The following ZRANB3 variants were observed in gnomAD, a reference collection of about 807,000 sequenced individuals.
ZRANB3 encodes the protein zinc finger RANBP2-type containing 3, also known as DNA annealing helicase and endonuclease ZRANB3.
In ZRANB3, 125 loss-of-function variants were observed where a neutral mutation model predicts 133.8. That is an observed-to-expected ratio of 0.93 (90% CI 0.81 to 1.08). ZRANB3 has a LOEUF of 1.08. Ranked by LOEUF, ZRANB3 falls within the 50% of genes least tolerant of loss-of-function variation. The pLI is 0.00. For missense variants in ZRANB3, 1,229 were observed against 1,275.5 expected (o/e 0.96, Z 0.56); for synonymous variants, 387 against 432.7 (o/e 0.89, Z 1.31).
chr2:135,400,182 G>A (rs58977924), intron 2 of ZRANB3, among the ~76,000 whole-genome samples: 15,826 of 151,954 alleles, frequency 0.1, 1,091 homozygotes, highest in South Asian at 0.32. Flanking sequence ...AGAAGTTGCC[G>A]TGAGCCAAGA....
At chr2:135,233,416 A>G (rs1354340820) in intron 12 of ZRANB3, among the ~76,000 whole-genome samples, 1 of 152,228 alleles carries the variant, frequency 6.6e-6, no homozygotes, top group Non-Finnish European at 1.5e-5. Context: ...AGGCAGGCCA[A>G]CATTCAAATT....
intron 1 of ZRANB3, among the ~76,000 whole-genome samples, chr2:135,512,810 CA>C (rs1449085726): frequency 2.6e-5 from 4 of 151,608 alleles, no homozygotes; most frequent in Middle Eastern, 3.2e-3. Flanking sequence ...ATATACAAGG[CA>C]AAAACTGATA....
Position 135,441,106 on chromosome 2 carries a change from T to C in ZRANB3, c.162-50286A>G, listed in dbSNP as rs115860699. 3.0e-3 allele frequency among the ~76,000 whole-genome samples: 453 copies of C among 151,784 alleles called. 2 individuals are homozygous for C. Among genetic ancestry groups the C allele is most frequent in the African/African-American group, 0.01 (429 of 41,342 alleles). ...ACTTCCCAAATCTGAAGAAAAACAT[T>C]TACTCTCAGACCCAAGAAGCTCAAT... is the stretch of plus-strand genomic sequence containing the variant. On this transcript the variant is annotated intron_variant, in intron 2 of 20. Coordinates refer to ENST00000264159, the MANE Select transcript of ZRANB3 (RefSeq NM_032143.4).
At chr2:135,328,553 C>T (rs1275539276) in intron 6 of ZRANB3, among the ~76,000 whole-genome samples, 1 of 148,668 alleles carries the variant, frequency 6.7e-6, no homozygotes, top group African/African-American at 2.5e-5. Context: ...AGCAGCATGA[C>T]TTATAATCCT....
chr2:135,500,756 TAAAA>T (rs760594100), intron 2 of ZRANB3, among the ~76,000 whole-genome samples: 1 of 73,674 alleles, frequency 1.4e-5, no homozygotes, highest in Admixed American at 1.6e-4. Context: ...TACATATCAG[TAAAA>T]AAAAAAAAAA....
intron 2 of ZRANB3, among the ~76,000 whole-genome samples, chr2:135,434,998 T>C (rs985666205): frequency 2.6e-5 from 4 of 152,154 alleles, no homozygotes; most frequent in Admixed American, 1.3e-4. Context: ...TTTTTTAAAT[T>C]TGTACTTTAG....
intron 3 of ZRANB3, among the ~76,000 whole-genome samples, chr2:135,372,262 T>C (rs1686215861): frequency 6.6e-6 from 1 of 152,024 alleles, no homozygotes; most frequent in African/African-American, 2.4e-5. Context: ...TGGATGTCTA[T>C]AAACCATCAG....
chr2:135,514,109 G>A (rs1693596051), intron 1 of ZRANB3, among the ~76,000 whole-genome samples: 2 of 152,154 alleles, frequency 1.3e-5, no homozygotes, highest in Non-Finnish European at 2.9e-5. Flanking sequence ...GCCTAGGATT[G>A]TTTTGGCTAT....
intron 1 of ZRANB3, chr2:135,511,096 A>G (rs1025663824): frequency 5.2e-6 from 4 of 768,110 alleles, no homozygotes; most frequent in African/African-American, 3.4e-5. Flanking sequence ...GACTCTGTAC[A>G]GGGCTGTGAA....
chr2:135,381,157 C>T (rs1205360128), intron 3 of ZRANB3, among the ~76,000 whole-genome samples: 3 of 152,188 alleles, frequency 2.0e-5, no homozygotes, highest in Non-Finnish European at 4.4e-5. Context: ...CACCCTAATA[C>T]TGTGCTTTTC....
intron 3 of ZRANB3, among the ~76,000 whole-genome samples, chr2:135,388,906 GTCTTTACTAAAA>G (rs1251789910): frequency 6.6e-6 from 1 of 152,026 alleles, no homozygotes; most frequent in Non-Finnish European, 1.5e-5. Flanking sequence ...GTGAAACCCT[GTCTTTACTAAAA>G]ATACAAAAAA....
At chr2:135,322,039 A>G (rs1191012230) in intron 6 of ZRANB3, among the ~76,000 whole-genome samples, 1 of 152,188 alleles carries the variant, frequency 6.6e-6, no homozygotes, top group African/African-American at 2.4e-5. Context: ...TCCATTTATC[A>G]TTAAATTTTG....
At chr2:135,337,815 T>C (rs1684435188) in intron 6 of ZRANB3, among the ~76,000 whole-genome samples, 1 of 152,202 alleles carries the variant, frequency 6.6e-6, no homozygotes. Flanking sequence ...TTTTCTTTTA[T>C]ACAGAAGTAG....
chr2:135,522,030 T>A (rs993427280), intron 1 of ZRANB3, among the ~76,000 whole-genome samples: 4 of 152,168 alleles, frequency 2.6e-5, no homozygotes, highest in Admixed American at 2.6e-4. Context: ...CTCTGCAGCA[T>A]GCCACAGGTT....
intron 1 of ZRANB3, among the ~76,000 whole-genome samples, chr2:135,507,026 A>T (rs1192932878): frequency 2.0e-5 from 3 of 152,248 alleles, no homozygotes; most frequent in African/African-American, 7.2e-5. Context: ...GCATGAAAGC[A>T]GGAAAACTGT....
intron 2 of ZRANB3, among the ~76,000 whole-genome samples, chr2:135,438,374 G>C (rs935145476): frequency 6.6e-6 from 1 of 151,890 alleles, no homozygotes; most frequent in Admixed American, 6.6e-5. Context: ...GCATGGTGGC[G>C]TGCACCTGTA....
At chr2:135,367,264 G>C (rs1685980537) in intron 3 of ZRANB3, among the ~76,000 whole-genome samples, 1 of 152,154 alleles carries the variant, frequency 6.6e-6, no homozygotes, top group Non-Finnish European at 1.5e-5. Context: ...TTAAAACTCA[G>C]ATCTGTGTAA....
intron 8 of ZRANB3, among the ~76,000 whole-genome samples, chr2:135,280,273 T>C (rs1264232470): frequency 6.6e-6 from 1 of 152,176 alleles, no homozygotes; most frequent in African/African-American, 2.4e-5. Flanking sequence ...TATATCTTAT[T>C]TAAAAAAATG....
At chr2:135,511,103 T>C in intron 1 of ZRANB3, 1 of 768,540 alleles carries the variant, frequency 1.3e-6, no homozygotes, top group Non-Finnish European at 2.4e-6. Context: ...TACAGGGCTG[T>C]GAAGCTAGTA....
Sources: allele counts gnomAD v4.1 joint callset (sites outside exome capture counted in the v4.1 genomes callset), GRCh38; gene constraint gnomAD v4.1.1; transcripts MANE v1.5; gene names NCBI Gene and HGNC (gene_info 2026-07-23, HGNC 2026-07-21).